ZBTB44: variants seen among roughly 807,000 people sequenced by gnomAD.
ZBTB44 encodes the protein zinc finger and BTB domain-containing protein 44.
In ZBTB44, 15 loss-of-function variants were observed where a neutral mutation model predicts 54.0. The observed-to-expected ratio is 0.28, with a 90% CI of 0.19 to 0.43. The LOEUF is 0.43. ZBTB44 is among the 20% of genes least tolerant of loss of function. The pLI is 1.00. For synonymous variants in ZBTB44, 230 were observed against 250.1 expected (o/e 0.92, Z 0.76); for missense variants, 487 against 707.1 (o/e 0.69, Z 3.53).
At chr11:130,287,438 T>C (rs1941034468) in intron 1 of ZBTB44, among the ~76,000 whole-genome samples, 2 of 152,236 alleles carry the variant, frequency 1.3e-5, no homozygotes, top group Admixed American at 1.3e-4. Flanking sequence ...GTTTTTTCTC[T>C]GTGCTTAGTT....
chr11:130,244,097 T>C (rs1306354988), intron 2 of ZBTB44, among the ~76,000 whole-genome samples: 2 of 152,188 alleles, frequency 1.3e-5, no homozygotes, highest in African/African-American at 4.8e-5. Context: ...GATGATCTAC[T>C]TACCTCCCTG....
intron 2 of ZBTB44, among the ~76,000 whole-genome samples, chr11:130,245,192 TTC>T (rs1954589756): frequency 6.6e-6 from 1 of 152,198 alleles, no homozygotes; most frequent in African/African-American, 2.4e-5. Context: ...TGTGTAGCAT[TTC>T]TGTGTGTGTC....
rs140394095 is a variant in ZBTB44 at position 130,265,877 on chromosome 11, A to G, written c.-56-3948T>C. Among the ~76,000 whole-genome samples, 973 of 152,356 alleles carry G rather than the reference A, an allele frequency of 6.4e-3. 14 individuals carry two copies. The highest frequency in any genetic ancestry group is 0.023 in the African/African-American group (938 of 41,588). The stretch of plus-strand genomic sequence containing the variant: ...AGGTTGAAGGAAAGAAGCCATCTCC[A>G]TAACATAAAAGTGCAAGGTGAACCC... On this transcript the variant is annotated intron_variant, in intron 1 of 7. Transcript: ENST00000357899.
chr11:130,279,040 T>C (rs537053710), intron 1 of ZBTB44, among the ~76,000 whole-genome samples: 2 of 152,272 alleles, frequency 1.3e-5, no homozygotes, highest in Non-Finnish European at 2.9e-5. Flanking sequence ...GATAATATAG[T>C]ATAGCAAATC....
At chr11:130,248,396 C>G (rs902509031) in intron 2 of ZBTB44, among the ~76,000 whole-genome samples, 1 of 152,186 alleles carries the variant, frequency 6.6e-6, no homozygotes, top group Non-Finnish European at 1.5e-5. Context: ...AATCTCAGCA[C>G]TTTGGGAGGC....
At chr11:130,244,799 T>C (rs943976220) in intron 2 of ZBTB44, among the ~76,000 whole-genome samples, 1 of 152,192 alleles carries the variant, frequency 6.6e-6, no homozygotes, top group African/African-American at 2.4e-5. Context: ...TGATGAAGAT[T>C]TGGAATCTAA....
intron 1 of ZBTB44, among the ~76,000 whole-genome samples, chr11:130,275,083 AATTAT>A (rs1391824122): frequency 6.6e-6 from 1 of 152,226 alleles, no homozygotes; most frequent in Non-Finnish European, 1.5e-5. Context: ...GACATATGAC[AATTAT>A]ATTGCTATAA....
At chr11:130,312,141 T>G (rs1337415968) in intron 1 of ZBTB44, among the ~76,000 whole-genome samples, 2 of 152,196 alleles carry the variant, frequency 1.3e-5, no homozygotes, top group Non-Finnish European at 2.9e-5. Flanking sequence ...TTACCTGCAC[T>G]TAATGAAGGA....
chr11:130,239,827 G>A lies in ZBTB44; in HGVS notation c.1088C>T (p.Pro363Leu), dbSNP rs368191931. Reference sequence around the variant, plus strand: ...TAGTACTGACCGATCATCATCATCCGGAGGAGCATTAGTGCTAGACGTGCT... The same window carrying A: ...TAGTACTGACCGATCATCATCATCCAGAGGAGCATTAGTGCTAGACGTGCT... ...LQSTSSTNAP[P>L]DDDDRLENVQ... The change falls in exon 3 of 8, where the codon CCG becomes CTG. Residue 363 changes from proline to leucine, a missense_variant. Coordinates refer to ENST00000357899, the MANE Select transcript of ZBTB44 (RefSeq NM_001301098.2). The A allele has an allele frequency of 2.8e-5, 45 of 1,612,032 alleles. No individual in the cohort carries two copies. The highest frequency in any genetic ancestry group is 3.5e-5 in the Non-Finnish European group (41 of 1,178,832).
Position 130,246,482 on chromosome 11 carries a change from C to T in ZBTB44, c.1019-6586G>A, listed in dbSNP as rs1246939157. Among the ~76,000 whole-genome samples the T allele has an allele frequency of 2.0e-5, 3 of 152,192 alleles. No homozygotes were observed. In the East Asian group the frequency reaches 5.8e-4, roughly 29 times the overall value. The stretch of plus-strand genomic sequence containing the variant: ...AAAACTGATTCACAGAGACAATCAG[C>T]TTTATATGGGTCAGGGCTAGCTTAT... On this transcript the variant is annotated intron_variant, in intron 2 of 7. Transcript: ENST00000357899.
intron 5 of ZBTB44, chr11:130,236,300 T>C (rs1212083306): frequency 8.1e-7 from 1 of 1,239,084 alleles, no homozygotes. Context: ...AATGACTTCA[T>C]GATCTAAACC....
intron 1 of ZBTB44, chr11:130,310,262 A>G (rs113632183): frequency 0.064 from 9,746 of 152,320 alleles, 751 homozygotes; most frequent in African/African-American, 0.18. Flanking sequence ...GAAGTTCTGG[A>G]CTGTAGTATC....
intron 3 of ZBTB44, 180 bp from the exon 4 acceptor site, chr11:130,238,787 C>A (rs576199687): frequency 4.4e-6 from 3 of 682,484 alleles, no homozygotes; most frequent in African/African-American, 3.8e-5. Context: ...GTCCAGAATG[C>A]CTTTTGTTTT....
Position 130,302,712 on chromosome 11 carries a change from G to A in ZBTB44, c.-57+11663C>T, listed in dbSNP as rs574010375. 9.2e-5 allele frequency among the ~76,000 whole-genome samples: 14 copies of A among 152,322 alleles called. No individual in the cohort carries two copies. In the South Asian group the frequency reaches 2.5e-3, roughly 27 times the overall value. On this transcript the variant is annotated intron_variant, in intron 1 of 7. Coordinates refer to ENST00000357899, the MANE Select transcript of ZBTB44 (RefSeq NM_001301098.2). ...ATGAGGGCCGGGCGTGATGGCTCAC[G>A]CCTGTAATCCCAACACTTTGGGAGG...
chr11:130,310,740 T>G (rs554085668), intron 1 of ZBTB44, among the ~76,000 whole-genome samples: 8 of 152,154 alleles, frequency 5.3e-5, no homozygotes, highest in Admixed American at 1.3e-4. Context: ...ATATAGTTTT[T>G]TTTTGTTTTG....
intron 1 of ZBTB44, among the ~76,000 whole-genome samples, chr11:130,308,889 A>C (rs1019745517): frequency 2.6e-4 from 40 of 152,302 alleles, no homozygotes; most frequent in African/African-American, 8.4e-4. Flanking sequence ...AGTCCTAGTA[A>C]GGGAAAAGGA....
chr11:130,240,097 G>A (rs1428880497), intron 2 of ZBTB44, among the ~76,000 whole-genome samples: 2 of 147,950 alleles, frequency 1.4e-5, no homozygotes, highest in South Asian at 2.1e-4. Context: ...GCTGGAGTGC[G>A]GTGGCGCGAT....
intron 2 of ZBTB44, among the ~76,000 whole-genome samples, chr11:130,257,155 T>A (rs1938506288): frequency 6.7e-6 from 1 of 149,196 alleles, no homozygotes; most frequent in Non-Finnish European, 1.5e-5. Context: ...AAATCATGAG[T>A]GAACTTCCAT....
intron 3 of ZBTB44, chr11:130,239,463 T>C (rs901875064): frequency 8.4e-6 from 2 of 237,392 alleles, no homozygotes; most frequent in Admixed American, 5.2e-5. Flanking sequence ...CACTCAACTC[T>C]GCCATCCACA....
Sources: allele counts gnomAD v4.1 joint callset (sites outside exome capture counted in the v4.1 genomes callset), GRCh38; gene constraint gnomAD v4.1.1; transcripts MANE v1.5; gene names NCBI Gene and HGNC (gene_info 2026-07-23, HGNC 2026-07-21).